ATP7B: variants seen among roughly 807,000 people sequenced by gnomAD.
ATP7B encodes the protein ATPase copper transporting beta.
In ATP7B, 113 loss-of-function variants were observed where a neutral mutation model predicts 118.9. The ratio of observed to expected loss-of-function variants is 0.95; its 90% CI spans 0.82 to 1.11. The LOEUF is 1.11. ATP7B is among the 50% of genes most tolerant of loss of function. The pLI is 0.00. For missense variants in ATP7B, 1,867 were observed against 1,871.4 expected (o/e 1.00, Z 0.04); for synonymous variants, 777 against 727.4 (o/e 1.07, Z -1.10).
At chr13:51,956,549 C>T (rs1319607250) in intron 9 of ATP7B, among the ~76,000 whole-genome samples, 1 of 152,122 alleles carries the variant, frequency 6.6e-6, no homozygotes, top group Non-Finnish European at 1.5e-5. Context: ...GACGCCTCTC[C>T]CACCAACGGG....
chr13:51,974,113 G>C lies in ATP7B; in HGVS notation c.1107C>G (p.Thr369=), dbSNP rs750817123. The C allele has an allele frequency of 1.9e-6, 3 of 1,613,934 alleles. No individual in the cohort carries two copies. Among genetic ancestry groups the C allele is most frequent in the African/African-American group, 2.7e-5 (2 of 74,874 alleles). The change falls in exon 2 of 21, where the codon ACC becomes ACG. Residue 369 remains threonine, a synonymous_variant. Transcript: ENST00000242839. ...CAATGGAATGGACACAGGATGCACA[G>C]GTCATGCCGGCAATGGCAATCAGAG... The part of the protein sequence containing the change: ...STTLIAIAGM[T]CASCVHSIEG...
intron 1 of ATP7B, among the ~76,000 whole-genome samples, chr13:52,001,049 T>G (rs1190831303): frequency 3.3e-5 from 5 of 151,974 alleles, no homozygotes; most frequent in Non-Finnish European, 7.4e-5. Flanking sequence ...AATTTAAAAT[T>G]AAAAAGTAAA....
chr13:51,987,576 C>T (rs191775517), intron 1 of ATP7B, among the ~76,000 whole-genome samples: 17 of 152,160 alleles, frequency 1.1e-4, no homozygotes, highest in Middle Eastern at 3.4e-3. Context: ...AAATTTCATA[C>T]GGAACCAAAA....
rs550814534 is a variant in ATP7B at position 51,932,794 on chromosome 13, T to C, written c.*1962A>G. On this transcript the variant is annotated 3_prime_UTR_variant, in exon 21 of 21. Coordinates refer to ENST00000242839, the MANE Select transcript of ATP7B (RefSeq NM_000053.4). ...TAAAAGGTTATTTTCTATAAAATTA[T>C]ATAAATATTTCCATGTCCATATATG... The C allele has an allele frequency of 1.3e-5, 2 of 152,364 alleles. No homozygotes were observed. Among genetic ancestry groups the C allele is most frequent in the South Asian group, 4.1e-4 (2 of 4,830 alleles). 9.4% of individuals were successfully genotyped at this position (152,364 alleles called of 1,614,324 possible). A position where few individuals can be genotyped will look rare whatever the true frequency, so the allele number is the denominator to read the frequency against.
chr13:51,994,884 G>T (rs1048844891), intron 1 of ATP7B, among the ~76,000 whole-genome samples: 1 of 152,110 alleles, frequency 6.6e-6, no homozygotes, highest in Non-Finnish European at 1.5e-5. Context: ...ACGTTATACT[G>T]TCTTACTTTT....
At chr13:51,942,840 A>G (rs1486654445) in intron 14 of ATP7B, among the ~76,000 whole-genome samples, 1 of 152,258 alleles carries the variant, frequency 6.6e-6, no homozygotes, top group African/African-American at 2.4e-5. Context: ...GCCTCATGAC[A>G]GTGAACAGGT....
chr13:51,973,491 C>T (rs566167342), intron 2 of ATP7B, among the ~76,000 whole-genome samples: 10 of 152,078 alleles, frequency 6.6e-5, no homozygotes, highest in African/African-American at 9.7e-5. Context: ...GGTGTGGCAT[C>T]GAGGCTTTCT....
chr13:51,934,797 A>G lies in ATP7B; in HGVS notation c.4357T>C (p.Ser1453Pro). The G allele has an allele frequency of 1.2e-6, 2 of 1,614,136 alleles. No homozygotes were observed. Among genetic ancestry groups the G allele is most frequent in the Non-Finnish European group, 1.7e-6 (2 of 1,180,044 alleles). The change falls in exon 21 of 21, where the codon TCT becomes CCT. Residue 1453 changes from serine to proline, a missense_variant. Transcript: ENST00000242839. ...AAADDDGDKWSLLLNGRDEEQ... is the reference protein window; with the variant it reads ...AAADDDGDKWPLLLNGRDEEQ... ...TCATCCCTGCCATTCAGGAGCAGAG[A>G]CCACTTGTCCCCATCATCGTCTGCT...
chr13:51,990,074 C>T (rs1952836285), intron 1 of ATP7B, among the ~76,000 whole-genome samples: 1 of 151,402 alleles, frequency 6.6e-6, no homozygotes, highest in Non-Finnish European at 1.5e-5. Flanking sequence ...TATTAAGTAT[C>T]TAATAAATCT....
At chr13:51,960,108 AG>A in intron 7 of ATP7B, 39 bp downstream of exon 7, 1 of 1,594,982 alleles carries the variant, frequency 6.3e-7, no homozygotes, top group Non-Finnish European at 8.6e-7. Flanking sequence ...GGCCACACAC[AG>A]CATGGAAGGG....
chr13:51,943,804 C>T lies in ATP7B; in HGVS notation c.3243+305G>A, dbSNP rs904048606. Among the ~76,000 whole-genome samples, 4 of 152,174 alleles carry T rather than the reference C, an allele frequency of 2.6e-5. No homozygotes were observed. The East Asian group carries it at 5.8e-4, about 22-fold the overall frequency. On this transcript the variant is annotated intron_variant, in intron 14 of 20. Coordinates refer to ENST00000242839, the MANE Select transcript of ATP7B (RefSeq NM_000053.4). ...CAAAGCACTGAGTTTCCAGACTGCC[C>T]GTACTCCCCAAGACCGTGAGCTCCC... is the stretch of plus-strand genomic sequence containing the variant.
intron 19 of ATP7B, 93 bp downstream of exon 19, chr13:51,937,183 C>A: frequency 8.0e-7 from 1 of 1,249,726 alleles, no homozygotes; most frequent in South Asian, 1.2e-5. Flanking sequence ...TCTAGCCAGC[C>A]AGTGAGTGAG....
At chr13:52,010,292 G>A (rs988594302) in intron 1 of ATP7B, among the ~76,000 whole-genome samples, 3 of 152,044 alleles carry the variant, frequency 2.0e-5, no homozygotes, top group African/African-American at 7.3e-5. Context: ...ACTACTAAAG[G>A]GCACCCAGCA....
chr13:51,978,142 T>G (rs1952218742), intron 1 of ATP7B, among the ~76,000 whole-genome samples: 2 of 151,974 alleles, frequency 1.3e-5, no homozygotes, highest in African/African-American at 4.8e-5. Flanking sequence ...TATAAAAGAT[T>G]TGACATAACT....
chr13:51,976,423 T>C (rs1011673429), intron 1 of ATP7B, among the ~76,000 whole-genome samples: 2 of 152,240 alleles, frequency 1.3e-5, no homozygotes, highest in African/African-American at 4.8e-5. Flanking sequence ...GATTAATAAT[T>C]ACATAGAATT....
chr13:51,947,702 T>C (rs545200254), intron 12 of ATP7B: 3 of 152,344 alleles, frequency 2.0e-5, no homozygotes, highest in Non-Finnish European at 2.9e-5. Flanking sequence ...GATTATGTAA[T>C]CTTTTTTAAA....
intron 1 of ATP7B, among the ~76,000 whole-genome samples, chr13:51,996,856 CA>C (rs1485841251): frequency 6.6e-6 from 1 of 152,230 alleles, no homozygotes; most frequent in Non-Finnish European, 1.5e-5. Context: ...CCAACTCCTC[CA>C]AAATGTGTCT....
chr13:51,959,929 C>T (rs538855670), intron 7 of ATP7B: 114 of 589,736 alleles, frequency 1.9e-4, no homozygotes, highest in Non-Finnish European at 2.8e-4. Flanking sequence ...GACAGTGAAA[C>T]CAGGCCCTTA....
At chr13:51,955,910 C>T (rs907407029) in intron 9 of ATP7B, among the ~76,000 whole-genome samples, 6 of 152,190 alleles carry the variant, frequency 3.9e-5, no homozygotes, top group African/African-American at 1.4e-4. Flanking sequence ...CTGAGGGGGG[C>T]TCTGTGCCTC....
Sources: gnomAD v4.1 joint callset for allele counts (sites outside exome capture counted in the v4.1 genomes callset) on GRCh38, gnomAD v4.1.1 for gene constraint, MANE v1.5 for transcripts, NCBI Gene and HGNC (gene_info 2026-07-23, HGNC 2026-07-21) for gene names.